RORA: variants seen among roughly 807,000 people sequenced by gnomAD.
The protein encoded by RORA is nuclear receptor ROR-alpha.
In RORA, 7 loss-of-function variants were observed where a neutral mutation model predicts 69.5. That is an observed-to-expected ratio of 0.10 (90% confidence interval 0.06 to 0.19). The LOEUF (loss-of-function observed/expected upper bound fraction) is 0.19, where lower values mean the gene tolerates loss of function less well. RORA is among the 10% of genes least tolerant of loss of function. The probability of loss-of-function intolerance (pLI) is 1.00; values close to 1 mark genes in which losing one functional copy is unlikely to be tolerated. For missense variants in RORA, 457 were observed against 663.0 expected (o/e 0.69, Z 3.41); for synonymous variants, 261 against 240.8 (o/e 1.08, Z -0.78).
chr15:61,114,369 G>T (rs1326231877), intron 1 of RORA, among the ~76,000 whole-genome samples: 1 of 152,134 alleles, frequency 6.6e-6, no homozygotes, highest in Admixed American at 6.5e-5. Context: ...TGGGGAAAAA[G>T]ACCAGGTAAT....
intron 1 of RORA, among the ~76,000 whole-genome samples, chr15:61,082,457 C>A (rs1303758671): frequency 1.3e-5 from 2 of 152,214 alleles, no homozygotes; most frequent in East Asian, 1.9e-4. Context: ...CCATTGCACT[C>A]TAGCCTGGGT....
chr15:61,007,326 A>C (rs890542286), intron 1 of RORA, among the ~76,000 whole-genome samples: 7 of 152,178 alleles, frequency 4.6e-5, no homozygotes, highest in Non-Finnish European at 7.3e-5. Flanking sequence ...AATGTTTCTC[A>C]CCATTTATAT....
chr15:61,171,471 C>T (rs1481975240), intron 1 of RORA, among the ~76,000 whole-genome samples: 2 of 152,168 alleles, frequency 1.3e-5, no homozygotes, highest in Non-Finnish European at 2.9e-5. Context: ...TTCTGCTAAT[C>T]CAGGCCCACA....
At chr15:61,132,943 A>G (rs932126626) in intron 1 of RORA, among the ~76,000 whole-genome samples, 3 of 152,136 alleles carry the variant, frequency 2.0e-5, no homozygotes, top group Non-Finnish European at 2.9e-5. Flanking sequence ...AAAATGGAAC[A>G]CTCGACTGTT....
At chr15:60,715,467 T>C (rs1293036992) in intron 1 of RORA, among the ~76,000 whole-genome samples, 1 of 152,190 alleles carries the variant, frequency 6.6e-6, no homozygotes, top group Admixed American at 6.5e-5. Context: ...TGGTGCCTCA[T>C]GACAGACGTT....
intron 2 of RORA, chr15:60,558,155 C>A: frequency 8.6e-7 from 1 of 1,166,808 alleles, no homozygotes; most frequent in African/African-American, 1.5e-5. Flanking sequence ...GGGAGGCAAA[C>A]ACAAGACTGG....
intron 1 of RORA, among the ~76,000 whole-genome samples, chr15:61,029,125 TG>T (rs1444927170): frequency 6.6e-6 from 1 of 151,624 alleles, no homozygotes; most frequent in Non-Finnish European, 1.5e-5. Context: ...TCTAGATGGG[TG>T]AATTGTGAGG....
chr15:60,688,794 G>C (rs1304640880), intron 1 of RORA, among the ~76,000 whole-genome samples: 1 of 152,166 alleles, frequency 6.6e-6, no homozygotes, highest in African/African-American at 2.4e-5. Context: ...GGCTGACTTG[G>C]GACAACTTTT....
intron 1 of RORA, among the ~76,000 whole-genome samples, chr15:61,069,135 C>T (rs1313861026): frequency 6.6e-6 from 1 of 152,132 alleles, no homozygotes; most frequent in Non-Finnish European, 1.5e-5. Context: ...TTCAATGGTA[C>T]ACCTCTGATA....
At chr15:60,709,185 A>G (rs1040050646) in intron 1 of RORA, among the ~76,000 whole-genome samples, 2 of 152,222 alleles carry the variant, frequency 1.3e-5, no homozygotes, top group Non-Finnish European at 2.9e-5. Flanking sequence ...TTATGTAAAC[A>G]TATCTTTGAA....
intron 2 of RORA, among the ~76,000 whole-genome samples, chr15:60,619,855 G>A (rs2140618301): frequency 6.6e-6 from 1 of 152,344 alleles, no homozygotes; most frequent in African/African-American, 2.4e-5. Context: ...TTCTGCAGAA[G>A]GTGTACCGCA....
chr15:60,965,992 A>T (rs189539047), intron 1 of RORA, among the ~76,000 whole-genome samples: 4 of 152,286 alleles, frequency 2.6e-5, no homozygotes, highest in Admixed American at 2.6e-4. Context: ...ACCCAGTCTG[A>T]GTGGTTAACA....
intron 2 of RORA, among the ~76,000 whole-genome samples, chr15:60,621,220 T>C (rs1362176521): frequency 6.6e-6 from 1 of 150,736 alleles, no homozygotes; most frequent in African/African-American, 2.5e-5. Context: ...ATATATTTTT[T>C]AAGAAAATAC....
intron 2 of RORA, among the ~76,000 whole-genome samples, chr15:60,552,162 G>C (rs2067243623): frequency 6.6e-6 from 1 of 152,132 alleles, no homozygotes. Context: ...AGAAGACTGG[G>C]AAAATGATAG....
chr15:61,203,657 C>T (rs749870814), intron 1 of RORA, among the ~76,000 whole-genome samples: 7 of 152,100 alleles, frequency 4.6e-5, no homozygotes, highest in African/African-American at 7.2e-5. Flanking sequence ...AAAGTGTCCA[C>T]GAACATTCTA....
At chr15:61,076,887 G>C (rs1595955128) in intron 1 of RORA, among the ~76,000 whole-genome samples, 1 of 150,642 alleles carries the variant, frequency 6.6e-6, no homozygotes, top group Middle Eastern at 3.4e-3. Flanking sequence ...GGAATCATCA[G>C]AATAATGATC....
intron 1 of RORA, among the ~76,000 whole-genome samples, chr15:60,771,659 A>G (rs192352816): frequency 3.2e-4 from 48 of 152,348 alleles, no homozygotes; most frequent in African/African-American, 1.1e-3. Context: ...TGTTAGCACG[A>G]ACCCCATACA....
At chr15:60,870,426 C>A (rs549101591) in intron 1 of RORA, among the ~76,000 whole-genome samples, 36 of 152,220 alleles carry the variant, frequency 2.4e-4, no homozygotes, top group African/African-American at 8.7e-4. Flanking sequence ...CCAGGTTGTA[C>A]GGAAGAAGCA....
At position 60,719,958 on chromosome 15, in the gene RORA, C is replaced by A. The variant is rs552045212; in HGVS notation, c.167-41272G>T. Among the ~76,000 whole-genome samples, 16 of 152,234 alleles carry A rather than the reference C, an allele frequency of 1.1e-4. 1 individual carries two copies. The South Asian group carries it at 3.3e-3, about 32-fold the overall frequency. On this transcript the variant is annotated intron_variant, in intron 1 of 10. Transcript: ENST00000335670. ...ATTGCAGTGTTGCCTTTCAGCAATGCAAAATATACCACCTGGCTAGAGAGG... is the reference window on the plus strand; with the variant it reads ...ATTGCAGTGTTGCCTTTCAGCAATGAAAAATATACCACCTGGCTAGAGAGG...
Sources: allele counts gnomAD v4.1 joint callset (sites outside exome capture counted in the v4.1 genomes callset), GRCh38; gene constraint gnomAD v4.1.1; transcripts MANE v1.5; gene names NCBI Gene and HGNC (gene_info 2026-07-23, HGNC 2026-07-21).